Variants in RARS2 observed in about 807,000 individuals in gnomAD.
RARS2 encodes the protein probable arginine--tRNA ligase, mitochondrial.
Under a neutral mutation model 88.5 loss-of-function variants are expected in RARS2, and 67 were observed. The observed-to-expected ratio is 0.76, with a 90% CI of 0.62 to 0.93. The LOEUF is 0.93. RARS2 is among the 40% of genes least tolerant of loss of function. The probability of loss-of-function intolerance (pLI) is 0.00; values close to 1 mark genes in which losing one functional copy is unlikely to be tolerated. For synonymous variants in RARS2, 239 were observed against 230.3 expected (o/e 1.04, Z -0.34); for missense variants, 664 against 684.2 (o/e 0.97, Z 0.33).
intron 14 of RARS2, chr6:87,519,252 G>C (rs1376379912): frequency 3.0e-6 from 1 of 330,220 alleles, no homozygotes; most frequent in Non-Finnish European, 5.7e-6. Flanking sequence ...GTTTTCCAAG[G>C]GTGAAGGTTA....
intron 8 of RARS2, among the ~76,000 whole-genome samples, chr6:87,532,858 A>C (rs1025806784): frequency 6.6e-6 from 1 of 152,214 alleles, no homozygotes; most frequent in Non-Finnish European, 1.5e-5. Context: ...AAAACAAAGA[A>C]GACTTTGGTA....
At chr6:87,554,184 TC>T (rs1785117622) in intron 5 of RARS2, among the ~76,000 whole-genome samples, 1 of 152,208 alleles carries the variant, frequency 6.6e-6, no homozygotes, top group Admixed American at 6.5e-5. Context: ...TCAAGACTGT[TC>T]TTCAGCTTTA....
At chr6:87,534,566 T>C (rs1778565127) in intron 8 of RARS2, among the ~76,000 whole-genome samples, 1 of 152,332 alleles carries the variant, frequency 6.6e-6, no homozygotes, top group East Asian at 1.9e-4. Flanking sequence ...TTGTTCTTGC[T>C]AGGTATTTCA....
intron 10 of RARS2, among the ~76,000 whole-genome samples, chr6:87,525,789 C>T (rs190424249): frequency 3.9e-5 from 6 of 152,106 alleles, no homozygotes; most frequent in Admixed American, 6.5e-5. Context: ...TCATGTGATC[C>T]GCGCCCCCGG....
At chr6:87,550,919 G>A (rs28360511) in intron 5 of RARS2, among the ~76,000 whole-genome samples, 9,672 of 151,792 alleles carry the variant, frequency 0.064, 390 homozygotes, top group African/African-American at 0.12. Context: ...CGGATTAATA[G>A]ATACCCACAG....
At chr6:87,522,530 C>T (rs1348873492) in intron 11 of RARS2, among the ~76,000 whole-genome samples, 1 of 151,946 alleles carries the variant, frequency 6.6e-6, no homozygotes, top group Non-Finnish European at 1.5e-5. Context: ...ATATATGATA[C>T]TGGAAAGACT....
intron 1 of RARS2, 119 bp from the exon 2 acceptor site, chr6:87,569,709 T>C: frequency 1.2e-6 from 1 of 806,562 alleles, no homozygotes; most frequent in East Asian, 2.6e-5. Flanking sequence ...TCCAAATGCA[T>C]TCCAAGTGAA....
At chr6:87,579,887 A>G (rs1772938811) in intron 1 of RARS2, among the ~76,000 whole-genome samples, 1 of 151,758 alleles carries the variant, frequency 6.6e-6, no homozygotes, top group Non-Finnish European at 1.5e-5. Context: ...CTGGGATTAC[A>G]GGCACCCACT....
At chr6:87,573,462 A>T (rs1172128391) in intron 1 of RARS2, among the ~76,000 whole-genome samples, 1 of 152,202 alleles carries the variant, frequency 6.6e-6, no homozygotes, top group African/African-American at 2.4e-5. Context: ...GTATAGAAAC[A>T]TTCTTACATA....
rs933391019 is a variant in RARS2 at position 87,589,786 on chromosome 6, G to C, written c.36+136C>G. On this transcript the variant is annotated intron_variant, in intron 1 of 19. Transcript: ENST00000369536. ...TGAAGCTCCACCAGCTCCAGAGAAG[G>C]GGGAGGAGGTGGTAGAAACTAACAG... is the stretch of plus-strand genomic sequence containing the variant. The C allele has an allele frequency of 5.6e-6, 9 of 1,594,156 alleles. No individual in the cohort carries two copies. The Admixed American group carries it at 1.6e-4, about 28-fold the overall frequency.
At chr6:87,526,535 G>C (rs1775776695) in intron 10 of RARS2, among the ~76,000 whole-genome samples, 4 of 150,882 alleles carry the variant, frequency 2.7e-5, no homozygotes, top group South Asian at 2.1e-4. Context: ...AACAAAGCTA[G>C]AGGCATCGCA....
At chr6:87,585,381 C>T (rs1006577460) in intron 1 of RARS2, among the ~76,000 whole-genome samples, 1 of 152,104 alleles carries the variant, frequency 6.6e-6, no homozygotes, top group African/African-American at 2.4e-5. Context: ...TAGAAGCAAA[C>T]AAGGGACTAA....
At chr6:87,587,819 CT>C (rs1220121337) in intron 1 of RARS2, among the ~76,000 whole-genome samples, 1 of 152,130 alleles carries the variant, frequency 6.6e-6, no homozygotes, top group Non-Finnish European at 1.5e-5. Flanking sequence ...GTCCCCCAGG[CT>C]GAAGTGCAGC....
intron 8 of RARS2, among the ~76,000 whole-genome samples, chr6:87,534,444 G>A (rs1317692620): frequency 1.3e-5 from 2 of 152,240 alleles, no homozygotes; most frequent in African/African-American, 2.4e-5. Context: ...TTAACTCCTT[G>A]TAGAGCACCA....
chr6:87,541,931 T>G lies in RARS2; in HGVS notation c.599A>C (p.Gln200Pro). ...YEEKLQSNPL[Q>P]HLFEVYVQVN... ...TTGCCAACTTACTTCAAAGAGATGC[T>G]GTAGAGGATTGGACTGCAGTTTTTC... Residue 200 changes from glutamine to proline, a missense_variant, in exon 8 of 20, where the codon CAG becomes CCG. Physicochemically the swap from Gln to Pro is moderately conservative, Grantham distance 76 (BLOSUM62 -1). Transcript: ENST00000369536. 1 of 1,612,900 alleles carries G rather than the reference T, an allele frequency of 6.2e-7. No individual in the cohort carries two copies. Among genetic ancestry groups the G allele is most frequent in the African/African-American group, 1.3e-5 (1 of 75,012 alleles).
rs529935323 is a variant in RARS2, at chr6:87,556,142, A to C, written c.298-637T>G. Reference sequence around the variant, plus strand: ...CTATTGGCTACACAAGTGAGAAACAAGGAAATCCCACAGAAACTTCCCAAA... The same window carrying C: ...CTATTGGCTACACAAGTGAGAAACACGGAAATCCCACAGAAACTTCCCAAA... On this transcript the variant is annotated intron_variant, in intron 4 of 19. Transcript: ENST00000369536. Among the ~76,000 whole-genome samples the C allele has an allele frequency of 3.9e-5, 6 of 152,342 alleles. No homozygotes were observed. The South Asian group carries it at 1.2e-3, about 32-fold the overall frequency.
chr6:87,559,386 G>A (rs1010702163), intron 4 of RARS2, among the ~76,000 whole-genome samples: 1 of 146,690 alleles, frequency 6.8e-6, no homozygotes, highest in Non-Finnish European at 1.5e-5. Flanking sequence ...AGAATCGCTT[G>A]AACCTGGGGG....
chr6:87,539,046 A>AAATAAATGAATG (rs1554192425), intron 8 of RARS2, among the ~76,000 whole-genome samples: 5 of 139,008 alleles, frequency 3.6e-5, no homozygotes, highest in African/African-American at 1.4e-4. Context: ...ATAAATAAAT[A>AAATAAATGAATG]AATAAATAAA....
At chr6:87,527,033 A>T (rs1582361887) in intron 10 of RARS2, among the ~76,000 whole-genome samples, 1 of 152,048 alleles carries the variant, frequency 6.6e-6, no homozygotes, top group East Asian at 2.0e-4. Context: ...AGTCTCGGCC[A>T]GGCACAGTGG....
Sources: gnomAD v4.1 joint callset for allele counts (sites outside exome capture counted in the v4.1 genomes callset) on GRCh38, gnomAD v4.1.1 for gene constraint, MANE v1.5 for transcripts, NCBI Gene and HGNC (gene_info 2026-07-23, HGNC 2026-07-21) for gene names.